OR6N1: variants seen among roughly 807,000 people sequenced by gnomAD.
OR6N1 encodes olfactory receptor 6N1.
For synonymous variants in OR6N1, 170 were observed against 150.7 expected, an observed-to-expected ratio of 1.13 and a Z score of -0.94; for missense variants, 394 against 371.7, an observed-to-expected ratio of 1.06 and a Z score of -0.49.
rs923352710 is a variant in OR6N1 at position 158,767,452 on chromosome 1, T to C, written c.-18-752A>G. ...TCTATCAACTTCAAATGCTCTTTTC[T>C]GGTTTATTGCTTCTGTAGATATTAA... On this transcript the variant is annotated intron_variant, in intron 1 of 1. Transcript: ENST00000641846. Among the ~76,000 whole-genome samples, 3 of 152,272 alleles carry C rather than the reference T, an allele frequency of 2.0e-5. No homozygotes were observed. In the South Asian group the frequency reaches 6.2e-4, roughly 31 times the overall value.
chr1:158,769,102 G>A (rs1385781651), intron 1 of OR6N1, among the ~76,000 whole-genome samples: 1 of 152,042 alleles, frequency 6.6e-6, no homozygotes, highest in East Asian at 1.9e-4. Flanking sequence ...TGCAGTAGGA[G>A]TTACAAGCCA....
At chr1:158,810,670 T>C in the OR6N1 span, among the ~76,000 whole-genome samples, 1 of 152,210 alleles carries the variant, frequency 6.6e-6, no homozygotes, top group Non-Finnish European at 1.5e-5. Context: ...ATCCAACTCG[T>C]ATATCCTTGT....
Position 158,764,413 on chromosome 1 carries a change from A to G in OR6N1, c.*1331T>C, listed in dbSNP as rs903117840. ...AATATTTATATTCTCAACTCTTTTA[A>G]AACACCCTAAAGGTAGGACCTGGAC... is the stretch of plus-strand genomic sequence containing the variant. On this transcript the variant is annotated 3_prime_UTR_variant, in exon 2 of 2. Transcript: ENST00000641846. 3 of 151,824 alleles carry G rather than the reference A, an allele frequency of 2.0e-5. No individual in the cohort carries two copies. The allele number at this position is 151,824 out of a possible 1,614,324, so 9.4% of individuals were successfully genotyped here. A position where few individuals can be genotyped will look rare whatever the true frequency, so the allele number is the denominator to read the frequency against.
the OR6N1 span, among the ~76,000 whole-genome samples, chr1:158,805,680 A>C: frequency 6.6e-6 from 1 of 152,294 alleles, no homozygotes; most frequent in Non-Finnish European, 1.5e-5. Flanking sequence ...AAGAATATAG[A>C]ATAGAGTACA....
chr1:158,817,601 T>A, the OR6N1 span, among the ~76,000 whole-genome samples: 3 of 152,174 alleles, frequency 2.0e-5, no homozygotes, highest in Admixed American at 2.0e-4. Context: ...CAAAACTGAG[T>A]GTGCTCCTTG....
the OR6N1 span, among the ~76,000 whole-genome samples, chr1:158,802,062 G>A: frequency 6.6e-6 from 1 of 152,044 alleles, no homozygotes; most frequent in Non-Finnish European, 1.5e-5. Context: ...TCTGGGGTAG[G>A]AAGTTGGACA....
chr1:158,805,235 C>G, the OR6N1 span, among the ~76,000 whole-genome samples: 3 of 152,094 alleles, frequency 2.0e-5, no homozygotes, highest in South Asian at 4.1e-4. Context: ...GATGCTAGTA[C>G]CAAGTGAATG....
the OR6N1 span, among the ~76,000 whole-genome samples, chr1:158,839,031 TAAGAGTG>T: frequency 2.0e-5 from 3 of 152,310 alleles, no homozygotes; most frequent in African/African-American, 7.2e-5. Context: ...TTATCATATT[TAAGAGTG>T]CTGTTTTAGT....
the OR6N1 span, among the ~76,000 whole-genome samples, chr1:158,832,354 T>C: frequency 6.6e-6 from 1 of 152,012 alleles, no homozygotes; most frequent in Non-Finnish European, 1.5e-5. Flanking sequence ...GTAAGCTTGT[T>C]AATTATGTTT....
chr1:158,835,978 T>C, the OR6N1 span, among the ~76,000 whole-genome samples: 1 of 151,988 alleles, frequency 6.6e-6, no homozygotes, highest in South Asian at 2.1e-4. Context: ...GTATTTTTCC[T>C]CATCTTTCAG....
At chr1:158,797,069 T>TCC in the OR6N1 span, among the ~76,000 whole-genome samples, 1 of 152,164 alleles carries the variant, frequency 6.6e-6, no homozygotes, top group Non-Finnish European at 1.5e-5. Flanking sequence ...AGAACATACC[T>TCC]CCTACAGTGA....
chr1:158,825,874 C>A, the OR6N1 span, among the ~76,000 whole-genome samples: 4 of 152,130 alleles, frequency 2.6e-5, no homozygotes, highest in African/African-American at 4.8e-5. Flanking sequence ...TGGAATCAAC[C>A]TAAACATTCA....
the OR6N1 span, among the ~76,000 whole-genome samples, chr1:158,821,059 A>G: frequency 2.6e-5 from 4 of 152,228 alleles, no homozygotes; most frequent in African/African-American, 9.6e-5. Flanking sequence ...TCTCACTAAC[A>G]GGGCTGCTTA....
At chr1:158,786,216 A>G in the OR6N1 span, among the ~76,000 whole-genome samples, 3 of 152,226 alleles carry the variant, frequency 2.0e-5, no homozygotes, top group Admixed American at 2.0e-4. Flanking sequence ...AAAAGAATAC[A>G]CAAACAGCCA....
chr1:158,777,484 A>G, the OR6N1 span: 2 of 1,614,226 alleles, frequency 1.2e-6, no homozygotes, highest in Non-Finnish European at 1.7e-6. Context: ...AGCTGCATCC[A>G]GTCGGATGAC....
the OR6N1 span, among the ~76,000 whole-genome samples, chr1:158,778,320 C>T: frequency 2.0e-5 from 3 of 152,066 alleles, no homozygotes; most frequent in Non-Finnish European, 4.4e-5. Context: ...AGAAGTGGCT[C>T]ATTTCTCAGG....
chr1:158,815,664 T>C, the OR6N1 span, among the ~76,000 whole-genome samples: 1 of 152,290 alleles, frequency 6.6e-6, no homozygotes, highest in South Asian at 2.1e-4. Flanking sequence ...ATTGTAGAAA[T>C]TGATGTGAAA....
At chr1:158,802,055 G>C in the OR6N1 span, among the ~76,000 whole-genome samples, 31 of 151,968 alleles carry the variant, frequency 2.0e-4, no homozygotes, top group Admixed American at 3.3e-4. Context: ...GTGCTCCTCT[G>C]GGGTAGGAAG....
chr1:158,821,478 T>A, the OR6N1 span, among the ~76,000 whole-genome samples: 1,208 of 152,310 alleles, frequency 7.9e-3, 15 homozygotes, highest in African/African-American at 0.028. Context: ...ACTCCTTTTC[T>A]TCTCACAACC....
Sources: gnomAD v4.1 joint callset for allele counts (sites outside exome capture counted in the v4.1 genomes callset) on GRCh38, gnomAD v4.1.1 for gene constraint, MANE v1.5 for transcripts, NCBI Gene and HGNC (gene_info 2026-07-23, HGNC 2026-07-21) for gene names.